The following CHAT variants were observed in gnomAD, a reference collection of about 807,000 sequenced individuals.
CHAT encodes the protein acetyl CoA:choline O-acetyltransferase.
In CHAT, 61 loss-of-function variants were observed where a neutral mutation model predicts 76.9. The observed-to-expected ratio is 0.79, with a 90% confidence interval of 0.65 to 0.98. CHAT has a LOEUF of 0.98. CHAT is among the 50% of genes least tolerant of loss of function. The probability of loss-of-function intolerance (pLI) is 0.00; values close to 1 mark genes in which losing one functional copy is unlikely to be tolerated. For synonymous variants in CHAT, 407 were observed against 397.4 expected (o/e 1.02, Z -0.29); for missense variants, 946 against 986.9 (o/e 0.96, Z 0.56).
chr10:49,651,838 T>C, intron 10 of CHAT, 46 bp from the exon 11 acceptor site: 3 of 1,583,086 alleles, frequency 1.9e-6, no homozygotes, highest in Admixed American at 1.7e-5. Flanking sequence ...GATGCATGCA[T>C]ACTGTTTTGC....
At chr10:49,656,993 G>A (rs567631725) in intron 13 of CHAT, among the ~76,000 whole-genome samples, 6 of 152,124 alleles carry the variant, frequency 3.9e-5, no homozygotes, top group Admixed American at 2.6e-4. Flanking sequence ...TTTGAAAGCC[G>A]TAAATACACC....
At chr10:49,610,374 G>A (rs2132684466), upstream of CHAT, 1 of 226,460 alleles carries the variant, frequency 4.4e-6, no homozygotes, top group East Asian at 8.7e-5. Context: ...CGGGCGGGCG[G>A]CAACAGCATG....
chr10:49,617,716 C>T (rs930888524), intron 2 of CHAT, among the ~76,000 whole-genome samples: 8 of 152,104 alleles, frequency 5.3e-5, no homozygotes, highest in Admixed American at 3.9e-4. Context: ...TGTAGGTGCT[C>T]ACCCACCCAT....
In CHAT at chr10:49,665,121, C is replaced by T. The variant is rs973311143; in HGVS notation, c.*75C>T. The T allele has an allele frequency of 6.6e-7, 1 of 1,517,312 alleles. No individual in the cohort carries two copies. The highest frequency in any genetic ancestry group is 1.4e-5 in the African/African-American group (1 of 72,976). The allele number at this position is 1,517,312 out of a possible 1,614,324, so 94.0% of individuals were successfully genotyped here. On this transcript the variant is annotated 3_prime_UTR_variant, in exon 15 of 15. Coordinates refer to ENST00000337653, the MANE Select transcript of CHAT (RefSeq NM_020549.5). ...ACCCTGCAGATCCCCACTCCCGTCC[C>T]TTACCCCAGCTTTCCACAGCTCCCT...
At chr10:49,618,492 G>A (rs981679145) in intron 2 of CHAT, among the ~76,000 whole-genome samples, 19 of 152,176 alleles carry the variant, frequency 1.2e-4, no homozygotes, top group African/African-American at 4.3e-4. Flanking sequence ...AAGAGGAAAC[G>A]AATGGAAAAG....
intron 13 of CHAT, among the ~76,000 whole-genome samples, chr10:49,660,539 G>A (rs1033983364): frequency 4.6e-5 from 7 of 152,104 alleles, no homozygotes; most frequent in Admixed American, 6.5e-5. Context: ...CATATGTTTG[G>A]AGGAAAGAAA....
intron 2 of CHAT, among the ~76,000 whole-genome samples, chr10:49,618,892 C>A (rs1838595196): frequency 6.6e-6 from 1 of 152,168 alleles, no homozygotes; most frequent in South Asian, 2.1e-4. Flanking sequence ...CCATTTAATT[C>A]TCTCTGTGTT....
At chr10:49,612,174 C>A (rs765313360), upstream of CHAT, 1 of 1,610,316 alleles carries the variant, frequency 6.2e-7, no homozygotes. Flanking sequence ...TGACGCGCTC[C>A]CGTTCCGAGC....
chr10:49,659,602 C>T (rs1053945580), intron 13 of CHAT, among the ~76,000 whole-genome samples: 1 of 152,180 alleles, frequency 6.6e-6, no homozygotes, highest in Non-Finnish European at 1.5e-5. Flanking sequence ...TGGCTCATGC[C>T]TGTAATCCTA....
At chr10:49,654,821 G>A (rs944501881) in intron 11 of CHAT, among the ~76,000 whole-genome samples, 18 of 46,666 alleles carry the variant, frequency 3.9e-4, no homozygotes, top group Non-Finnish European at 6.6e-4. Context: ...CACCAGGTTG[G>A]GAATTTTTTT....
At chr10:49,641,207 C>T (rs997594547) in intron 7 of CHAT, among the ~76,000 whole-genome samples, 1 of 152,164 alleles carries the variant, frequency 6.6e-6, no homozygotes, top group Non-Finnish European at 1.5e-5. Context: ...TGTAAAGGCC[C>T]TCCCTCCAAA....
intron 10 of CHAT, chr10:49,651,622 A>G: frequency 2.1e-6 from 1 of 471,630 alleles, no homozygotes; most frequent in Non-Finnish European, 3.9e-6. Flanking sequence ...CCACCTCCCC[A>G]CCCACTCTCC....
upstream of CHAT, among the ~76,000 whole-genome samples, chr10:49,613,814 G>T (rs903192450): frequency 2.6e-5 from 4 of 152,180 alleles, no homozygotes; most frequent in East Asian, 5.8e-4. Flanking sequence ...GTGCCAGCAG[G>T]AATGGGATGG....
In CHAT at chr10:49,646,548, C is replaced by G. The variant is rs1209379806; in HGVS notation, c.1155C>G (p.Ile385Met). Residue 385 changes from isoleucine (I) to methionine (M), a missense_variant, in exon 8 of 15, where the codon ATC becomes ATG. Physicochemically the swap from Ile to Met is conservative, Grantham distance 10 (BLOSUM62 1). Transcript: ENST00000337653. ...RDSLDMIERC[I>M]CLVCLDAPGG... ...CGCTGGACATGATTGAGCGCTGCAT[C>G]TGCCTTGTATGCCTGGACGCGCCAG... 7 of 1,614,248 alleles carry G rather than the reference C, an allele frequency of 4.3e-6. No homozygotes were observed. The highest frequency in any genetic ancestry group is 5.9e-6 in the Non-Finnish European group (7 of 1,180,046).
intron 4 of CHAT, among the ~76,000 whole-genome samples, chr10:49,621,545 G>A (rs942646688): frequency 6.6e-6 from 1 of 152,126 alleles, no homozygotes; most frequent in Non-Finnish European, 1.5e-5. Flanking sequence ...CTTTTCATTA[G>A]TACCGGGGGG....
rs1406611340 is a variant in CHAT at position 49,651,906 on chromosome 10, A to C, written c.1534A>C (p.Ile512Leu). 2 of 1,613,872 alleles carry C rather than the reference A, an allele frequency of 1.2e-6. No individual in the cohort carries two copies. The highest frequency in any genetic ancestry group is 1.3e-5 in the African/African-American group (1 of 74,936). ...CAGAATAGTAAAGAACCTTGACTTC[A>C]TTGTCTATAAGTTTGACAACTATGG... ...LQRIVKNLDF[I>L]VYKFDNYGKT... Residue 512 changes from isoleucine (I) to leucine (L), a missense_variant, in exon 11 of 15, where the codon ATT becomes CTT. Ile to Leu is a conservative substitution (Grantham distance 5). Coordinates refer to ENST00000337653, the MANE Select transcript of CHAT (RefSeq NM_020549.5).
upstream of CHAT, chr10:49,612,346 C>G: frequency 6.4e-7 from 1 of 1,574,324 alleles, no homozygotes; most frequent in Non-Finnish European, 8.7e-7. Flanking sequence ...CTAGCATCCC[C>G]ACTCCTCCTC....
chr10:49,641,295 C>T (rs1240695116), intron 7 of CHAT, among the ~76,000 whole-genome samples: 1 of 152,224 alleles, frequency 6.6e-6, no homozygotes, highest in East Asian at 1.9e-4. Context: ...CCCAGAGAAT[C>T]TGCTGCTATG....
rs374660544 is a variant in CHAT, at chr10:49,624,125, C to T, written c.753-1348C>T. On this transcript the variant is annotated intron_variant, in intron 5 of 14. Transcript: ENST00000337653. ...ACCTGGCCTGCCCACCTCTCTGGCC[C>T]TGTCTTCACTGGGCCTCAGCCCCAC... 5.9e-5 allele frequency among the ~76,000 whole-genome samples: 9 copies of T among 152,352 alleles called. 1 individual carries two copies. Among genetic ancestry groups the T allele is most frequent in the African/African-American group, 2.2e-4 (9 of 41,582 alleles).
Sources: allele counts gnomAD v4.1 joint callset (sites outside exome capture counted in the v4.1 genomes callset), GRCh38; gene constraint gnomAD v4.1.1; transcripts MANE v1.5; gene names NCBI Gene and HGNC (gene_info 2026-07-23, HGNC 2026-07-21).